CCDC102B: variants seen among roughly 807,000 people sequenced by gnomAD.
CCDC102B encodes the protein coiled-coil domain-containing protein 102B.
Under a neutral mutation model 57.4 loss-of-function variants are expected in CCDC102B, and 75 were observed. The observed-to-expected ratio is 1.31, with a 90% CI of 1.08 to 1.58. CCDC102B has a LOEUF of 1.58. Among genes scored for constraint, CCDC102B ranks in the 40% most tolerant of loss-of-function variants. The pLI, the probability that CCDC102B is intolerant of heterozygous loss-of-function variation, is 0.00. For synonymous variants in CCDC102B, 206 were observed against 201.9 expected, an observed-to-expected ratio of 1.02 and a Z score of -0.17; for missense variants, 636 against 582.6, an observed-to-expected ratio of 1.09 and a Z score of -0.94.
intron 6 of CCDC102B, among the ~76,000 whole-genome samples, chr18:68,956,349 T>TAATATA (rs1491436001): frequency 1.4e-4 from 8 of 57,236 alleles, no homozygotes; most frequent in Non-Finnish European, 1.5e-4. Context: ...AATATATATA[T>TAATATA]TAATATATAT....
chr18:69,016,196 T>C (rs2145407988), intron 7 of CCDC102B, among the ~76,000 whole-genome samples: 1 of 152,180 alleles, frequency 6.6e-6, no homozygotes, highest in Admixed American at 6.5e-5. Context: ...ATAGCACAGG[T>C]TCATGTATAC....
At chr18:68,975,938 G>A (rs2050424839) in intron 6 of CCDC102B, among the ~76,000 whole-genome samples, 4 of 151,332 alleles carry the variant, frequency 2.6e-5, no homozygotes. Flanking sequence ...GGGATAATTA[G>A]CCTTTATTAG....
At chr18:68,719,352 C>G (rs145693798) in intron 2 of CCDC102B, among the ~76,000 whole-genome samples, 1 of 152,130 alleles carries the variant, frequency 6.6e-6, no homozygotes, top group East Asian at 1.9e-4. Context: ...GCTGGAGAAC[C>G]AGAAAGCCAC....
intron 7 of CCDC102B, among the ~76,000 whole-genome samples, chr18:69,014,815 T>C (rs1237937732): frequency 6.6e-6 from 1 of 152,056 alleles, no homozygotes; most frequent in Non-Finnish European, 1.5e-5. Context: ...TCCATAGAAC[T>C]ATAGAGTCAT....
intron 6 of CCDC102B, among the ~76,000 whole-genome samples, chr18:69,009,034 A>T (rs2051428097): frequency 2.0e-5 from 3 of 152,160 alleles, no homozygotes; most frequent in Non-Finnish European, 4.4e-5. Context: ...TAATCACAAC[A>T]TTTCACACAG....
intron 6 of CCDC102B, 39 bp downstream of exon 6, chr18:68,897,467 C>G: frequency 1.3e-6 from 2 of 1,597,654 alleles, no homozygotes; most frequent in South Asian, 2.2e-5. Flanking sequence ...ACTGTCTAAT[C>G]TCACTCTGAT....
At chr18:68,872,258 G>A (rs1209527613) in intron 4 of CCDC102B, among the ~76,000 whole-genome samples, 1 of 152,102 alleles carries the variant, frequency 6.6e-6, no homozygotes, top group African/African-American at 2.4e-5. Flanking sequence ...GAGAACTAGA[G>A]GCTGGAGACA....
At chr18:68,785,969 G>A (rs1380425640) in intron 2 of CCDC102B, among the ~76,000 whole-genome samples, 2 of 152,006 alleles carry the variant, frequency 1.3e-5, no homozygotes, top group Admixed American at 6.6e-5. Context: ...TAGGTCTAAC[G>A]TTTAGGTCTT....
intron 6 of CCDC102B, among the ~76,000 whole-genome samples, chr18:69,004,008 T>C (rs1382950444): frequency 6.6e-6 from 1 of 152,226 alleles, no homozygotes; most frequent in Admixed American, 6.5e-5. Context: ...ATTCAAGCAT[T>C]GTTACTTATA....
intron 6 of CCDC102B, among the ~76,000 whole-genome samples, chr18:68,977,854 T>C (rs2050480091): frequency 6.6e-6 from 1 of 151,992 alleles, no homozygotes; most frequent in Admixed American, 6.6e-5. Flanking sequence ...CCGACTGTCT[T>C]GTAGTCTATT....
At chr18:68,848,062 A>T (rs1401609480) in intron 4 of CCDC102B, among the ~76,000 whole-genome samples, 1 of 151,858 alleles carries the variant, frequency 6.6e-6, no homozygotes, top group Non-Finnish European at 1.5e-5. Context: ...TAAACAAACA[A>T]TACTACTTAG....
chr18:68,778,505 A>G (rs2034897896), intron 2 of CCDC102B, among the ~76,000 whole-genome samples: 1 of 152,138 alleles, frequency 6.6e-6, no homozygotes, highest in African/African-American at 2.4e-5. Flanking sequence ...AGAGATAAAC[A>G]GGATTTTGGA....
intron 6 of CCDC102B, among the ~76,000 whole-genome samples, chr18:68,964,722 A>T (rs1393051021): frequency 6.6e-6 from 1 of 151,732 alleles, no homozygotes; most frequent in Non-Finnish European, 1.5e-5. Context: ...TTCTAGGGTT[A>T]GTTCTTTCAT....
intron 7 of CCDC102B, among the ~76,000 whole-genome samples, chr18:69,046,982 T>C (rs2052583816): frequency 2.0e-5 from 3 of 152,164 alleles, no homozygotes; most frequent in African/African-American, 7.2e-5. Flanking sequence ...AGTACCATGC[T>C]GTTTTGGTTA....
At chr18:69,001,726 AT>A (rs150562872) in intron 6 of CCDC102B, among the ~76,000 whole-genome samples, 4,895 of 152,260 alleles carry the variant, frequency 0.032, 115 homozygotes, top group East Asian at 0.12. Flanking sequence ...CTTGGTGCTA[AT>A]CATTGTTACA....
At chr18:68,955,396 A>T (rs897899797) in intron 6 of CCDC102B, among the ~76,000 whole-genome samples, 3 of 152,118 alleles carry the variant, frequency 2.0e-5, no homozygotes, top group Admixed American at 6.6e-5. Context: ...TATTATTTAT[A>T]GTCTGATTTA....
chr18:69,024,521 A>G lies in CCDC102B; in HGVS notation c.1434+13417A>G, dbSNP rs1034615625. ...AAATATAAACCATACATAATTAGACATATTTAAAACTTTATAATTTGATGC... is the reference window on the plus strand; with the variant it reads ...AAATATAAACCATACATAATTAGACGTATTTAAAACTTTATAATTTGATGC... On this transcript the variant is annotated intron_variant, in intron 7 of 7. Transcript: ENST00000360242. 1.3e-4 allele frequency among the ~76,000 whole-genome samples: 20 copies of G among 152,196 alleles called. 1 individual carries two copies. The highest frequency in any genetic ancestry group is 4.1e-4 in the South Asian group (2 of 4,828).
intron 6 of CCDC102B, among the ~76,000 whole-genome samples, chr18:68,962,117 T>G (rs1328306936): frequency 6.6e-6 from 1 of 152,162 alleles, no homozygotes; most frequent in Non-Finnish European, 1.5e-5. Flanking sequence ...TATTTTCTAA[T>G]GTATTGTAGC....
chr18:68,975,805 G>A (rs1352105733), intron 6 of CCDC102B, among the ~76,000 whole-genome samples: 3 of 150,566 alleles, frequency 2.0e-5, no homozygotes, highest in East Asian at 2.0e-4. Flanking sequence ...TGTTTCTTAC[G>A]CTCAGGGAGG....
Sources: allele counts gnomAD v4.1 joint callset (sites outside exome capture counted in the v4.1 genomes callset), GRCh38; gene constraint gnomAD v4.1.1; transcripts MANE v1.5; gene names NCBI Gene and HGNC (gene_info 2026-07-23, HGNC 2026-07-21).